Variants in ZC3H7A observed in about 807,000 individuals in gnomAD.
The protein encoded by ZC3H7A is zinc finger CCCH-type containing 7A.
Under a neutral mutation model 125.5 loss-of-function variants are expected in ZC3H7A, and 44 were observed. The ratio of observed to expected loss-of-function variants is 0.35; its 90% CI spans 0.28 to 0.45. ZC3H7A has a LOEUF of 0.45. ZC3H7A is among the 20% of genes least tolerant of loss of function. The pLI is 1.00. For missense variants in ZC3H7A, 977 were observed against 1,170.7 expected (o/e 0.83, Z 2.41); for synonymous variants, 399 against 391.2 (o/e 1.02, Z -0.23).
At chr16:11,789,044 AC>A (rs2053306898) in intron 1 of ZC3H7A, among the ~76,000 whole-genome samples, 1 of 152,162 alleles carries the variant, frequency 6.6e-6, no homozygotes, top group African/African-American at 2.4e-5. Flanking sequence ...CCACACACAC[AC>A]AAGTGCTGCT....
In ZC3H7A at chr16:11,775,085, A is replaced by G; in HGVS notation, c.586-72T>C. On this transcript the variant is annotated intron_variant, in intron 7 of 22. Transcript: ENST00000355758. ...AGCCATAAAACAATCAGTAAAACTC[A>G]CCCTAGGCCGGGCACAGTGGCTCAC... 3 of 1,553,934 alleles carry G rather than the reference A, an allele frequency of 1.9e-6. No homozygotes were observed. In the South Asian group the frequency reaches 3.4e-5, roughly 17 times the overall value.
intron 3 of ZC3H7A, 138 bp from the exon 4 acceptor site, chr16:11,779,501 C>A (rs1462390393): frequency 1.4e-6 from 1 of 714,980 alleles, no homozygotes; most frequent in African/African-American, 1.8e-5. Context: ...TTGTGAGATG[C>A]AGCCCAAGTC....
intron 4 of ZC3H7A, among the ~76,000 whole-genome samples, chr16:11,777,113 T>C (rs2053094028): frequency 6.6e-6 from 1 of 152,238 alleles, no homozygotes; most frequent in Non-Finnish European, 1.5e-5. Context: ...AATACCCATG[T>C]ACACACCATC....
At chr16:11,755,307 T>C (rs950808302) in intron 21 of ZC3H7A, among the ~76,000 whole-genome samples, 2 of 151,936 alleles carry the variant, frequency 1.3e-5, no homozygotes, top group African/African-American at 4.8e-5. Context: ...GGGGAACATA[T>C]GGGGTTCTAA....
At chr16:11,752,524 AG>A (rs1289937712) in intron 22 of ZC3H7A, 144 bp downstream of exon 22, 23 of 993,198 alleles carry the variant, frequency 2.3e-5, no homozygotes, top group African/African-American at 3.3e-5. Context: ...AAACACTTTG[AG>A]CCAAAACCCA....
intron 21 of ZC3H7A, among the ~76,000 whole-genome samples, chr16:11,756,034 G>T (rs547795947): frequency 6.6e-6 from 1 of 152,174 alleles, no homozygotes; most frequent in South Asian, 2.1e-4. Flanking sequence ...GTGGTGGCGC[G>T]AGCCTATAAT....
At chr16:11,754,982 G>A (rs1053191852) in intron 21 of ZC3H7A, among the ~76,000 whole-genome samples, 3 of 151,290 alleles carry the variant, frequency 2.0e-5, no homozygotes, top group African/African-American at 7.3e-5. Context: ...GGCTGAGGCG[G>A]GTGGATCACA....
chr16:11,754,909 A>G (rs1423022937), intron 21 of ZC3H7A, among the ~76,000 whole-genome samples: 1 of 149,490 alleles, frequency 6.7e-6, no homozygotes, highest in Non-Finnish European at 1.5e-5. Flanking sequence ...AAAAAAAAAA[A>G]AAAAAGAATA....
At chr16:11,773,152 C>T (rs2053016725) in intron 9 of ZC3H7A, among the ~76,000 whole-genome samples, 3 of 152,030 alleles carry the variant, frequency 2.0e-5, no homozygotes, top group South Asian at 2.1e-4. Flanking sequence ...ACTTTACTTA[C>T]GGACCCAGAA....
intron 1 of ZC3H7A, among the ~76,000 whole-genome samples, chr16:11,787,388 T>G (rs1392810037): frequency 6.6e-6 from 1 of 152,182 alleles, no homozygotes; most frequent in Non-Finnish European, 1.5e-5. Flanking sequence ...TGTAATTTCT[T>G]TTTTCCTCAC....
At chr16:11,784,853 T>TAA (rs1260136190) in intron 1 of ZC3H7A, among the ~76,000 whole-genome samples, 3 of 74,344 alleles carry the variant, frequency 4.0e-5, no homozygotes, top group African/African-American at 2.0e-4. Context: ...ACACTCCATC[T>TAA]CAAAAAAAAA....
At chr16:11,770,510 C>T (rs2052961564) in intron 10 of ZC3H7A, among the ~76,000 whole-genome samples, 1 of 152,148 alleles carries the variant, frequency 6.6e-6, no homozygotes, top group South Asian at 2.1e-4. Context: ...TCATTTCACC[C>T]CCAAAACAAT....
chr16:11,793,549 G>A (rs536377788), intron 1 of ZC3H7A, among the ~76,000 whole-genome samples: 3 of 151,804 alleles, frequency 2.0e-5, no homozygotes, highest in South Asian at 4.2e-4. Flanking sequence ...AAGGGGGTGG[G>A]GGGGAGGAAA....
chr16:11,776,979 A>C, intron 4 of ZC3H7A, 70 bp from the exon 5 acceptor site: 2 of 1,320,990 alleles, frequency 1.5e-6, no homozygotes, highest in African/African-American at 1.5e-5. Context: ...GCCTTCCTGT[A>C]ATAAAAACAA....
intron 1 of ZC3H7A, among the ~76,000 whole-genome samples, chr16:11,790,314 G>T (rs1032942473): frequency 6.6e-6 from 1 of 152,122 alleles, no homozygotes; most frequent in Non-Finnish European, 1.5e-5. Context: ...CATTAGCAAG[G>T]CTCAGCGTCC....
At chr16:11,754,554 A>T (rs191111400) in intron 21 of ZC3H7A, among the ~76,000 whole-genome samples, 1 of 152,148 alleles carries the variant, frequency 6.6e-6, no homozygotes, top group East Asian at 1.9e-4. Context: ...ACATATGCTT[A>T]TGTAAACTTT....
Position 11,765,583 on chromosome 16 carries a change from C to G in ZC3H7A, c.1625G>C (p.Ser542Thr), listed in dbSNP as rs764764735. ...VWTLERKGAFSREAFFGGNGK... is the reference protein window; with the variant it reads ...VWTLERKGAFTREAFFGGNGK... ...ATTGCCGCCAAAGAAAGCCTCCCGG[C>G]TGAATGCTCCTTTCCGCTCCAGTGT... Residue 542 changes from serine to threonine, a missense_variant, in exon 14 of 23, where the codon AGC becomes ACC. Physicochemically the swap from Ser to Thr is moderately conservative, Grantham distance 58 (BLOSUM62 1). Around this residue, in one of 3 missense-constraint regions of ZC3H7A, gnomAD observed 436 missense variants for 603.2 expected, o/e 0.72. Transcript: ENST00000355758. This position sits in a 1 kb window ranked among gnomAD's most constrained non-coding sequence, Gnocchi z 4.8. 1.9e-5 allele frequency: 30 copies of G among 1,614,074 alleles called. No individual in the cohort carries two copies. Among genetic ancestry groups the G allele is most frequent in the Non-Finnish European group, 2.5e-5 (30 of 1,180,022 alleles).
At chr16:11,753,008 G>C in intron 21 of ZC3H7A, 176 bp from the exon 22 acceptor site, 1 of 659,402 alleles carries the variant, frequency 1.5e-6, no homozygotes, top group Non-Finnish European at 2.4e-6. Context: ...ACACAGAGAA[G>C]AAGGGTGACA....
At position 11,751,587 on chromosome 16, in the gene ZC3H7A, C is replaced by T. The variant is rs543950965; in HGVS notation, c.2727-81G>A. ...TCATGATTCTTGAAACTGTATATTT[C>T]ACTAGCTTTATGATTTGCATACAAC... On this transcript the variant is annotated intron_variant, in intron 22 of 22. Coordinates refer to ENST00000355758, the MANE Select transcript of ZC3H7A (RefSeq NM_014153.4). The T allele has an allele frequency of 2.2e-4, 302 of 1,390,874 alleles. 1 individual carries two copies. The highest frequency in any genetic ancestry group is 8.0e-4 in the East Asian group (34 of 42,564). The allele number at this position is 1,390,874 out of a possible 1,614,324, so 86.2% of individuals were successfully genotyped here.
Sources: allele counts gnomAD v4.1 joint callset (sites outside exome capture counted in the v4.1 genomes callset), GRCh38; gene constraint gnomAD v4.1.1; regional missense constraint gnomAD v4.1.1; non-coding constraint Gnocchi (gnomAD v3.1); transcripts MANE v1.5; gene names NCBI Gene and HGNC (gene_info 2026-07-23, HGNC 2026-07-21).